PDE10A: variants seen among roughly 807,000 people sequenced by gnomAD.
The protein encoded by PDE10A is phosphodiesterase 10A.
PDE10A carries 39 observed loss-of-function variants against 97.7 expected under a neutral mutation model. The ratio of observed to expected loss-of-function variants is 0.40; its 90% CI spans 0.31 to 0.52. The LOEUF is 0.52. Ranked by LOEUF, PDE10A falls within the 20% of genes least tolerant of loss-of-function variation. The probability of loss-of-function intolerance (pLI) is 0.56; values close to 1 mark genes in which losing one functional copy is unlikely to be tolerated. For synonymous variants in PDE10A, 371 were observed against 376.8 expected (o/e 0.98, Z 0.18); for missense variants, 731 against 1,047.8 (o/e 0.70, Z 4.17).
intron 1 of PDE10A, among the ~76,000 whole-genome samples, chr6:165,971,752 A>G (rs1179906232): frequency 6.6e-6 from 1 of 152,240 alleles, no homozygotes; most frequent in Non-Finnish European, 1.5e-5. Context: ...ACTGCAAACC[A>G]CAACCATTCC....
intron 1 of PDE10A, among the ~76,000 whole-genome samples, chr6:165,868,247 A>G (rs1409257708): frequency 6.6e-6 from 1 of 152,058 alleles, no homozygotes; most frequent in Non-Finnish European, 1.5e-5. Flanking sequence ...TTGAAACCAT[A>G]AACAAAATTG....
intron 2 of PDE10A, among the ~76,000 whole-genome samples, chr6:165,499,976 G>C (rs1049452631): frequency 6.6e-6 from 1 of 152,126 alleles, no homozygotes; most frequent in Admixed American, 6.5e-5. Flanking sequence ...AAAGTCTACA[G>C]GTAGCATCAC....
chr6:165,591,757 T>C (rs1786284254), intron 1 of PDE10A, among the ~76,000 whole-genome samples: 2 of 152,226 alleles, frequency 1.3e-5, no homozygotes, highest in Non-Finnish European at 1.5e-5. Context: ...AAGGATATAA[T>C]CTACCTGACA....
At chr6:165,877,495 C>T (rs1010707932) in intron 1 of PDE10A, among the ~76,000 whole-genome samples, 3 of 152,168 alleles carry the variant, frequency 2.0e-5, no homozygotes, top group Non-Finnish European at 4.4e-5. Context: ...ATTCTCTTCT[C>T]GCTTCCAAAT....
At position 165,816,188 on chromosome 6, in the gene PDE10A, A is replaced by G. The variant is rs553564746; in HGVS notation, c.-615+171341T>C. Reference sequence around the variant, plus strand: ...ATGCTCTCAATCTCCTGACCTCGTGATCTGCCCGCCTTGGCCTCCCAAAGT... The same window carrying G: ...ATGCTCTCAATCTCCTGACCTCGTGGTCTGCCCGCCTTGGCCTCCCAAAGT... On this transcript the variant is annotated intron_variant, in intron 1 of 19. Transcript: ENST00000366882. Among the ~76,000 whole-genome samples, 6 of 152,242 alleles carry G rather than the reference A, an allele frequency of 3.9e-5. No homozygotes were observed. The South Asian group carries it at 1.2e-3, about 32-fold the overall frequency.
intron 2 of PDE10A, among the ~76,000 whole-genome samples, chr6:165,529,707 GTATTGTTCACTTTA>G (rs1346842349): frequency 1.3e-5 from 2 of 152,180 alleles, no homozygotes; most frequent in South Asian, 2.1e-4. Context: ...CGGCATTGAA[GTATTGTTCACTTTA>G]TGGAATAGTA....
chr6:165,431,614 T>G, intron 7 of PDE10A, 142 bp from the exon 8 acceptor site: 1 of 267,830 alleles, frequency 3.7e-6, no homozygotes, highest in Non-Finnish European at 6.7e-6. Context: ...ATATATATCA[T>G]ACATAACATA....
chr6:165,687,874 G>T (rs938299377), intron 1 of PDE10A, among the ~76,000 whole-genome samples: 5 of 152,166 alleles, frequency 3.3e-5, no homozygotes, highest in African/African-American at 4.8e-5. Flanking sequence ...GTGAGGTGGG[G>T]CCTGGAAGCT....
At chr6:165,814,063 T>C (rs1349218829) in intron 1 of PDE10A, among the ~76,000 whole-genome samples, 1 of 152,172 alleles carries the variant, frequency 6.6e-6, no homozygotes, top group African/African-American at 2.4e-5. Context: ...AGCAAACAGA[T>C]TTGAGTTGAT....
chr6:165,530,617 C>A lies in PDE10A; in HGVS notation c.994+12823G>T, dbSNP rs373589605. Among the ~76,000 whole-genome samples, 585 of 139,504 alleles carry A rather than the reference C, an allele frequency of 4.2e-3. 3 individuals carry two copies. Among genetic ancestry groups the A allele is most frequent in the African/African-American group, 0.014 (555 of 39,804 alleles). The allele number at this position is 139,504 out of a possible 152,430, so 91.5% of individuals were successfully genotyped here. On this transcript the variant is annotated intron_variant, in intron 2 of 21. Transcript: ENST00000539869. ...AAAACACCTGCACATGTACCCCCCCCACGAATCTAAAATAAAAGTTAAAAT... is the reference window on the plus strand; with the variant it reads ...AAAACACCTGCACATGTACCCCCCCAACGAATCTAAAATAAAAGTTAAAAT...
At chr6:165,817,605 G>A (rs1046814507) in intron 1 of PDE10A, among the ~76,000 whole-genome samples, 13 of 152,246 alleles carry the variant, frequency 8.5e-5, no homozygotes, top group Admixed American at 5.9e-4. Flanking sequence ...ATGAGTCAAC[G>A]CATACATGGA....
chr6:165,526,881 C>G (rs1345295869), intron 2 of PDE10A, among the ~76,000 whole-genome samples: 1 of 152,212 alleles, frequency 6.6e-6, no homozygotes, highest in Non-Finnish European at 1.5e-5. Flanking sequence ...GAGTATATCA[C>G]CTCTCCGGCT....
intron 1 of PDE10A, among the ~76,000 whole-genome samples, chr6:165,709,245 CT>C (rs1791819215): frequency 7.2e-6 from 1 of 139,332 alleles, no homozygotes; most frequent in Non-Finnish European, 1.6e-5. Flanking sequence ...CCCGTGCTCT[CT>C]CCCCACTCTC....
intron 3 of PDE10A, among the ~76,000 whole-genome samples, chr6:165,473,431 C>T (rs1054014897): frequency 2.6e-5 from 4 of 152,102 alleles, no homozygotes; most frequent in Admixed American, 1.3e-4. Flanking sequence ...TGTTGGAAGT[C>T]GTCTTCAGAA....
chr6:165,816,099 A>G (rs13210838), intron 1 of PDE10A, among the ~76,000 whole-genome samples: 1,737 of 151,944 alleles, frequency 0.011, 19 homozygotes, highest in Non-Finnish European at 0.017. Context: ...ACAGGCGCCC[A>G]CCACCACTCC....
chr6:165,795,759 A>G (rs1333822356), intron 1 of PDE10A, among the ~76,000 whole-genome samples: 2 of 152,088 alleles, frequency 1.3e-5, no homozygotes, highest in Non-Finnish European at 2.9e-5. Flanking sequence ...CATCTCAAAA[A>G]AAAAGTCAAG....
intron 10 of PDE10A, among the ~76,000 whole-genome samples, chr6:165,421,131 C>A (rs1226459664): frequency 1.3e-5 from 2 of 152,160 alleles, no homozygotes; most frequent in Non-Finnish European, 2.9e-5. Context: ...GCGAGATTAT[C>A]GTCATGGTTG....
At position 165,412,556 on chromosome 6, in the gene PDE10A, T is replaced by C. The variant is rs1583231352; in HGVS notation, c.2076+945A>G. Among the ~76,000 whole-genome samples the C allele has an allele frequency of 3.9e-5, 6 of 152,168 alleles. No individual in the cohort carries two copies. The East Asian group carries it at 5.8e-4, about 15-fold the overall frequency. On this transcript the variant is annotated intron_variant, in intron 13 of 21. Coordinates refer to ENST00000539869, the MANE Select transcript of PDE10A (RefSeq NM_001385079.1). ...TTCTGAGGAGCTATGTAACAGAAAC[T>C]GTCCCCCAAAAGGGCACCAGGAATG...
At chr6:165,393,079 C>T (rs543945442) in intron 15 of PDE10A, among the ~76,000 whole-genome samples, 60 of 152,246 alleles carry the variant, frequency 3.9e-4, no homozygotes, top group Non-Finnish European at 5.9e-5. Flanking sequence ...CACAGTCACC[C>T]GTCACCAGCC....
Sources: allele counts gnomAD v4.1 joint callset (sites outside exome capture counted in the v4.1 genomes callset), GRCh38; gene constraint gnomAD v4.1.1; transcripts MANE v1.5; gene names NCBI Gene and HGNC (gene_info 2026-07-23, HGNC 2026-07-21).